Variants in KLF12 observed in about 807,000 individuals in gnomAD.
KLF12 encodes the protein Krueppel-like factor 12.
A neutral mutation model predicts 37.8 loss-of-function variants in KLF12; 9 were observed. The observed-to-expected ratio is 0.24, with a 90% confidence interval of 0.14 to 0.42. KLF12 has a LOEUF of 0.42. Ranked by LOEUF, KLF12 falls within the 10% of genes least tolerant of loss-of-function variation. The probability of loss-of-function intolerance (pLI) is 1.00; values close to 1 mark genes in which losing one functional copy is unlikely to be tolerated. For synonymous variants in KLF12, 208 were observed against 202.1 expected (o/e 1.03, Z -0.25); for missense variants, 411 against 516.0 (o/e 0.80, Z 1.97).
At chr13:73,868,202 C>T (rs914069104) in intron 3 of KLF12, among the ~76,000 whole-genome samples, 5 of 148,816 alleles carry the variant, frequency 3.4e-5, no homozygotes, top group Admixed American at 6.7e-5. Context: ...ATCCTAGCTA[C>T]TCGGGAGGCT....
At chr13:73,936,879 A>G (rs890730879) in intron 3 of KLF12, among the ~76,000 whole-genome samples, 1 of 152,160 alleles carries the variant, frequency 6.6e-6, no homozygotes. Flanking sequence ...GTCAGAAGCA[A>G]AACTCCTCTA....
chr13:73,714,269 C>T (rs1875623324), intron 7 of KLF12, among the ~76,000 whole-genome samples: 1 of 152,074 alleles, frequency 6.6e-6, no homozygotes, highest in Non-Finnish European at 1.5e-5. Context: ...ATAGTGAGAC[C>T]CTGTCTCTAA....
In KLF12 at chr13:73,829,480, G is replaced by A. The variant is rs148265273; in HGVS notation, c.671-16193C>T. 3.8e-4 allele frequency among the ~76,000 whole-genome samples: 58 copies of A among 152,188 alleles called. 1 individual carries two copies. The highest frequency in any genetic ancestry group is 1.4e-3 in the African/African-American group (58 of 41,530). On this transcript the variant is annotated intron_variant, in intron 4 of 7. Coordinates refer to ENST00000377669, the MANE Select transcript of KLF12 (RefSeq NM_007249.5). ...CAACTAGTTTCATTTGGTTTATAAAGTTCTAGGTGGTATCATTTTTTAATA... is the reference window on the plus strand; with the variant it reads ...CAACTAGTTTCATTTGGTTTATAAAATTCTAGGTGGTATCATTTTTTAATA...
intron 1 of KLF12, among the ~76,000 whole-genome samples, chr13:73,996,951 G>C (rs1398076087): frequency 6.6e-6 from 1 of 150,810 alleles, no homozygotes; most frequent in African/African-American, 2.5e-5. Flanking sequence ...ATAATGTCAA[G>C]GTTCTTACAA....
the KLF12 span, among the ~76,000 whole-genome samples, chr13:74,288,822 G>C: frequency 1.3e-5 from 2 of 152,158 alleles, no homozygotes; most frequent in African/African-American, 4.8e-5. Flanking sequence ...GCAGCACTAG[G>C]GGAGTAGAGC....
intron 3 of KLF12, among the ~76,000 whole-genome samples, chr13:73,914,575 C>T (rs955973535): frequency 1.3e-5 from 2 of 152,020 alleles, no homozygotes; most frequent in African/African-American, 2.4e-5. Flanking sequence ...ATGAGTTGCA[C>T]GGGTGAAGCA....
the KLF12 span, among the ~76,000 whole-genome samples, chr13:74,186,074 A>G: frequency 6.6e-6 from 1 of 152,132 alleles, no homozygotes; most frequent in African/African-American, 2.4e-5. Flanking sequence ...TTTTATATAC[A>G]CCAGATGATA....
chr13:74,093,978 AT>A (rs67833779), intron 1 of KLF12, among the ~76,000 whole-genome samples: 50,591 of 148,394 alleles, frequency 0.34, 10,559 homozygotes, highest in East Asian at 0.79. Context: ...AAAAAAAAAA[AT>A]ACAATAGCTA....
chr13:73,708,391 A>G (rs559272720), intron 7 of KLF12, among the ~76,000 whole-genome samples: 121 of 150,874 alleles, frequency 8.0e-4, no homozygotes, highest in Middle Eastern at 3.4e-3. Flanking sequence ...ATTCCTTTGC[A>G]AAAAAAATTT....
intron 3 of KLF12, among the ~76,000 whole-genome samples, chr13:73,932,900 T>C (rs1050594819): frequency 6.6e-6 from 1 of 152,154 alleles, no homozygotes; most frequent in Non-Finnish European, 1.5e-5. Context: ...AATATATTAG[T>C]AGGAATTATG....
upstream of KLF12, among the ~76,000 whole-genome samples, chr13:74,138,101 A>G (rs572728250): frequency 1.7e-3 from 258 of 152,348 alleles, no homozygotes; most frequent in African/African-American, 6.1e-3. Context: ...TACCTCACCC[A>G]GATTTATCTA....
At position 73,723,012 on chromosome 13, in the gene KLF12, A is replaced by G. The variant is rs538719810; in HGVS notation, c.870-7487T>C. On this transcript the variant is annotated intron_variant, in intron 6 of 7. Coordinates refer to ENST00000377669, the MANE Select transcript of KLF12 (RefSeq NM_007249.5). ...ACTTTCTAGACCGTTAAAAAACTTAAAAGTATGACAAGCTTTCTGTTCTTT... is the reference window on the plus strand; with the variant it reads ...ACTTTCTAGACCGTTAAAAAACTTAGAAGTATGACAAGCTTTCTGTTCTTT... Among the ~76,000 whole-genome samples, 51 of 152,348 alleles carry G rather than the reference A, an allele frequency of 3.3e-4. No individual in the cohort carries two copies. In the South Asian group the frequency reaches 0.01, roughly 31 times the overall value.
chr13:74,054,963 T>C (rs935628131), intron 1 of KLF12, among the ~76,000 whole-genome samples: 1 of 152,060 alleles, frequency 6.6e-6, no homozygotes, highest in Admixed American at 6.5e-5. Context: ...TTCCAAAACA[T>C]GATAATACAG....
At chr13:74,009,456 T>C (rs1207724973) in intron 1 of KLF12, among the ~76,000 whole-genome samples, 1 of 152,094 alleles carries the variant, frequency 6.6e-6, no homozygotes, top group Non-Finnish European at 1.5e-5. Context: ...TGAACCCATT[T>C]TGTCAGTTCC....
At chr13:74,235,499 AAAG>A in the KLF12 span, among the ~76,000 whole-genome samples, 38 of 152,348 alleles carry the variant, frequency 2.5e-4, no homozygotes, top group East Asian at 6.8e-3. Flanking sequence ...GGGAGAAATC[AAAG>A]AAGAAGATAG....
At chr13:74,220,907 T>C in the KLF12 span, among the ~76,000 whole-genome samples, 5 of 152,218 alleles carry the variant, frequency 3.3e-5, no homozygotes, top group East Asian at 3.8e-4. Flanking sequence ...CATCAGATGA[T>C]TTAAAATATT....
chr13:74,063,251 T>A (rs949674427), intron 1 of KLF12, among the ~76,000 whole-genome samples: 6 of 152,162 alleles, frequency 3.9e-5, no homozygotes, highest in African/African-American at 1.4e-4. Context: ...AATACTTAGT[T>A]TCATTTTGAC....
intron 5 of KLF12, among the ~76,000 whole-genome samples, chr13:73,793,958 T>G (rs1394863180): frequency 6.6e-6 from 1 of 152,208 alleles, no homozygotes; most frequent in African/African-American, 2.4e-5. Context: ...TCAAGTATGT[T>G]GATAAATCGC....
chr13:73,943,626 C>T (rs115889568), intron 3 of KLF12, among the ~76,000 whole-genome samples: 2,479 of 152,258 alleles, frequency 0.016, 53 homozygotes, highest in African/African-American at 0.057. Flanking sequence ...TTAGAATCAA[C>T]CAAACTATGA....
Sources: allele counts gnomAD v4.1 joint callset (sites outside exome capture counted in the v4.1 genomes callset), GRCh38; gene constraint gnomAD v4.1.1; transcripts MANE v1.5; gene names NCBI Gene and HGNC (gene_info 2026-07-23, HGNC 2026-07-21).